Variants in SAMD5 observed in about 807,000 individuals in gnomAD.
SAMD5 encodes the protein sterile alpha motif domain containing 5.
Under a neutral mutation model 11.3 loss-of-function variants are expected in SAMD5, and 13 were observed. The observed-to-expected ratio is 1.15, with a 90% CI of 0.75 to 1.83. The LOEUF (loss-of-function observed/expected upper bound fraction) is 1.83. Ranked by LOEUF, SAMD5 falls within the 40% of genes most tolerant of loss-of-function variation. The pLI is 0.00. For missense variants in SAMD5, 255 were observed against 239.1 expected (o/e 1.07, Z -0.44); for synonymous variants, 129 against 111.3 (o/e 1.16, Z -1.00).
the SAMD5 span, among the ~76,000 whole-genome samples, chr6:147,838,531 G>GCCCC: frequency 0.015 from 1,857 of 127,470 alleles, 48 homozygotes; most frequent in African/African-American, 0.024. Context: ...AGAATATCCT[G>GCCCC]CCCCCCCCCC....
At chr6:147,539,908 G>A (rs1373315418) in intron 1 of SAMD5, among the ~76,000 whole-genome samples, 4 of 151,912 alleles carry the variant, frequency 2.6e-5, no homozygotes, top group African/African-American at 9.7e-5. Context: ...CTTTAGCCAC[G>A]CCAAGCAGCC....
the SAMD5 span, among the ~76,000 whole-genome samples, chr6:147,814,350 A>G: frequency 6.6e-6 from 1 of 152,206 alleles, no homozygotes; most frequent in Non-Finnish European, 1.5e-5. Flanking sequence ...TTCCCTTTAG[A>G]CAGATGTTAA....
At chr6:147,726,947 G>A (rs1791637725) in intron 1 of SAMD5, among the ~76,000 whole-genome samples, 1 of 151,996 alleles carries the variant, frequency 6.6e-6, no homozygotes, top group South Asian at 2.1e-4. Context: ...CTCTCAGTTG[G>A]CCTCCATAAT....
chr6:147,565,169 A>C lies in SAMD5; in HGVS notation c.*713A>C, dbSNP rs1029230282. 2.0e-6 allele frequency: 2 copies of C among 985,682 alleles called. No individual in the cohort carries two copies. The highest frequency in any genetic ancestry group is 3.5e-5 in the African/African-American group (2 of 57,358). 61.1% of individuals were successfully genotyped at this position (985,682 alleles called of 1,614,324 possible). A position where few individuals can be genotyped will look rare whatever the true frequency, so the allele number is the denominator to read the frequency against. On this transcript the variant is annotated 3_prime_UTR_variant, in exon 2 of 2. Transcript: ENST00000367474. The stretch of plus-strand genomic sequence containing the variant: ...ATACAAGTGTCTTGCTCTGACATGC[A>C]TCAAGCAAGAGCTAGCTATTTTACT...
the SAMD5 span, among the ~76,000 whole-genome samples, chr6:147,888,904 T>TTTTC: frequency 3.3e-5 from 5 of 151,416 alleles, no homozygotes; most frequent in East Asian, 7.8e-4. Flanking sequence ...AAAAAAAAGA[T>TTTTC]TTTCTTTTTC....
At chr6:147,649,630 A>C (rs918132441) in intron 1 of SAMD5, among the ~76,000 whole-genome samples, 1 of 152,148 alleles carries the variant, frequency 6.6e-6, no homozygotes, top group African/African-American at 2.4e-5. Context: ...CGTTTCTACA[A>C]AAATACAAAA....
chr6:147,909,639 T>TCTCTCTCTCTCTCTC, the SAMD5 span, among the ~76,000 whole-genome samples: 2 of 138,868 alleles, frequency 1.4e-5, no homozygotes, highest in Admixed American at 7.0e-5. Flanking sequence ...TTTCTCTTTC[T>TCTCTCTCTCTCTCTC]TGTCTTTTGT....
the SAMD5 span, among the ~76,000 whole-genome samples, chr6:147,743,797 A>G: frequency 6.6e-6 from 1 of 152,238 alleles, no homozygotes; most frequent in African/African-American, 2.4e-5. Context: ...CCACTTAGTA[A>G]ATGTTAATTC....
At chr6:147,902,565 T>A in the SAMD5 span, among the ~76,000 whole-genome samples, 1 of 152,192 alleles carries the variant, frequency 6.6e-6, no homozygotes, top group Admixed American at 6.5e-5. Context: ...CTGCACACAC[T>A]TTGAGAAAGC....
At chr6:147,624,043 T>G (rs1790012127) in intron 1 of SAMD5, among the ~76,000 whole-genome samples, 3 of 152,060 alleles carry the variant, frequency 2.0e-5, no homozygotes, top group Admixed American at 2.0e-4. Context: ...CTAATTTTTG[T>G]ATTTTTAGTA....
chr6:147,826,879 G>A, the SAMD5 span, among the ~76,000 whole-genome samples: 2 of 152,052 alleles, frequency 1.3e-5, no homozygotes, highest in African/African-American at 2.4e-5. Flanking sequence ...CACTGTTCCC[G>A]GCAGGTCTCA....
the SAMD5 span, among the ~76,000 whole-genome samples, chr6:147,773,436 T>A: frequency 1.3e-5 from 2 of 152,152 alleles, no homozygotes; most frequent in Non-Finnish European, 2.9e-5. Context: ...AGTGTCATAG[T>A]CCATCTGGGC....
chr6:147,814,699 A>T, the SAMD5 span, among the ~76,000 whole-genome samples: 4 of 152,224 alleles, frequency 2.6e-5, no homozygotes, highest in African/African-American at 9.6e-5. Context: ...CAAAATATTT[A>T]CAGCCTTTTA....
intron 1 of SAMD5, among the ~76,000 whole-genome samples, chr6:147,676,375 C>T (rs1272678969): frequency 6.6e-6 from 1 of 152,036 alleles, no homozygotes; most frequent in Non-Finnish European, 1.5e-5. Context: ...GCTGAAAGAT[C>T]ATCTATTCAG....
the SAMD5 span, among the ~76,000 whole-genome samples, chr6:147,776,364 T>C: frequency 6.6e-6 from 1 of 152,214 alleles, no homozygotes; most frequent in African/African-American, 2.4e-5. Context: ...TGCATTCTTC[T>C]TGTTAACAAC....
the SAMD5 span, among the ~76,000 whole-genome samples, chr6:147,927,436 G>A: frequency 2.6e-5 from 4 of 152,162 alleles, no homozygotes; most frequent in African/African-American, 9.7e-5. Context: ...TTGTAAATGA[G>A]ATTGTGTTCC....
In SAMD5 at chr6:147,688,924, T is replaced by C. The variant is rs545588372; in HGVS notation, c.163-48393T>C. 5.3e-5 allele frequency among the ~76,000 whole-genome samples: 8 copies of C among 152,346 alleles called. 1 individual carries two copies. In the East Asian group the frequency reaches 1.5e-3, roughly 29 times the overall value. ...CTAGTCAGAAACCTACTCTATATAG[T>C]TTGTGAAGCACCAAAAAGCTCTCTT... On this transcript the variant is annotated intron_variant, in intron 1 of 1. Coordinates refer to the SAMD5 transcript ENST00000566741.
the SAMD5 span, among the ~76,000 whole-genome samples, chr6:147,833,702 A>T: frequency 6.6e-6 from 1 of 152,334 alleles, no homozygotes; most frequent in Middle Eastern, 3.4e-3. Context: ...GTTTTAACAT[A>T]ATTTTTTCAA....
the SAMD5 span, among the ~76,000 whole-genome samples, chr6:147,750,767 C>CA: frequency 2.0e-5 from 3 of 152,154 alleles, no homozygotes; most frequent in African/African-American, 7.2e-5. Context: ...ACTAAACATA[C>CA]AAAATTTAGC....
Sources: gnomAD v4.1 joint callset for allele counts (sites outside exome capture counted in the v4.1 genomes callset) on GRCh38, gnomAD v4.1.1 for gene constraint, MANE v1.5 for transcripts, NCBI Gene and HGNC (gene_info 2026-07-23, HGNC 2026-07-21) for gene names.